CASP6: variants seen among roughly 807,000 people sequenced by gnomAD.
The protein encoded by CASP6 is caspase-6.
CASP6 carries 20 observed loss-of-function variants against 31.8 expected under a neutral mutation model. The ratio of observed to expected loss-of-function variants is 0.63; its 90% confidence interval spans 0.44 to 0.91. The LOEUF is 0.91. Ranked by LOEUF, CASP6 falls within the 40% of genes least tolerant of loss-of-function variation. The pLI, the probability that CASP6 is intolerant of heterozygous loss-of-function variation, is 0.00. For missense variants in CASP6, 328 were observed against 361.1 expected (o/e 0.91, Z 0.74); for synonymous variants, 130 against 127.8 (o/e 1.02, Z -0.12).
At chr4:109,687,535 G>C, downstream of CASP6, 1 of 1,612,622 alleles carries the variant, frequency 6.2e-7, no homozygotes, top group South Asian at 1.1e-5. Context: ...CCCTGAAACA[G>C]GCGCGTCATT....
intron 5 of CASP6, 124 bp from the exon 6 acceptor site, chr4:109,691,133 C>T: frequency 9.9e-7 from 1 of 1,005,380 alleles, no homozygotes; most frequent in Non-Finnish European, 1.4e-6. Flanking sequence ...CTGAGCAGTT[C>T]AGAAGCAATA....
the CASP6 span, among the ~76,000 whole-genome samples, chr4:109,679,398 C>A: frequency 6.6e-6 from 1 of 152,230 alleles, no homozygotes; most frequent in South Asian, 2.1e-4. Flanking sequence ...GCAATCCCAG[C>A]ACCTCGGGAG....
At chr4:109,680,634 C>T in the CASP6 span, among the ~76,000 whole-genome samples, 1 of 152,120 alleles carries the variant, frequency 6.6e-6, no homozygotes, top group African/African-American at 2.4e-5. Context: ...TAGCTTTCAC[C>T]CCTCTGTGGC....
the CASP6 span, among the ~76,000 whole-genome samples, chr4:109,708,786 T>C: frequency 6.6e-6 from 1 of 152,220 alleles, no homozygotes; most frequent in East Asian, 1.9e-4. Flanking sequence ...TTTTTCCCCT[T>C]ATTCACCACT....
chr4:109,685,069 A>G (rs1191894578), downstream of CASP6: 4 of 463,020 alleles, frequency 8.6e-6, no homozygotes, highest in Admixed American at 7.6e-5. Context: ...AAGGAGCAGC[A>G]GATCTTAAAT....
At chr4:109,667,315 A>G in the CASP6 span, among the ~76,000 whole-genome samples, 1 of 152,020 alleles carries the variant, frequency 6.6e-6, no homozygotes, top group Admixed American at 6.6e-5. Context: ...GTTTTGATAG[A>G]TTGTACCTTT....
intron 4 of CASP6, among the ~76,000 whole-genome samples, 169 bp from the exon 5 acceptor site, chr4:109,694,869 G>A (rs1437718723): frequency 6.6e-6 from 1 of 152,142 alleles, no homozygotes; most frequent in Non-Finnish European, 1.5e-5. Context: ...TTCACTCTTG[G>A]TGCCCAGGGC....
downstream of CASP6, chr4:109,685,288 T>C: frequency 6.4e-7 from 1 of 1,573,962 alleles, no homozygotes; most frequent in Admixed American, 1.7e-5. Flanking sequence ...AGGCAATTTC[T>C]TCAGTTCTTC....
At chr4:109,690,166 C>T (rs372314223) in intron 6 of CASP6, among the ~76,000 whole-genome samples, 10 of 142,308 alleles carry the variant, frequency 7.0e-5, no homozygotes, top group South Asian at 2.2e-4. Flanking sequence ...GCCTGGGCAA[C>T]AGAGTGAGAC....
upstream of CASP6, chr4:109,703,732 G>T (rs994227407): frequency 2.2e-6 from 1 of 462,570 alleles, no homozygotes; most frequent in African/African-American, 2.0e-5. Context: ...CCTAGCCCGA[G>T]GCAATTTCAC....
the CASP6 span, among the ~76,000 whole-genome samples, chr4:109,669,081 A>G: frequency 2.0e-5 from 3 of 152,126 alleles, no homozygotes; most frequent in Non-Finnish European, 4.4e-5. Context: ...GAATAATAAA[A>G]ATAAAGGTTT....
chr4:109,696,375 A>G (rs781774694), intron 4 of CASP6, 35 bp downstream of exon 4: 1 of 1,453,550 alleles, frequency 6.9e-7, no homozygotes, highest in Non-Finnish European at 9.6e-7. Context: ...GTTTCATTAG[A>G]GGAAGATGAA....
upstream of CASP6, among the ~76,000 whole-genome samples, chr4:109,704,428 T>A (rs1021451891): frequency 1.3e-5 from 2 of 152,286 alleles, no homozygotes; most frequent in East Asian, 3.9e-4. Flanking sequence ...ATGGAGAAAG[T>A]TCTAGTTGGT....
chr4:109,697,943 T>C (rs759933489), intron 2 of CASP6, among the ~76,000 whole-genome samples, 175 bp from the exon 3 acceptor site: 1 of 152,202 alleles, frequency 6.6e-6, no homozygotes, highest in African/African-American at 2.4e-5. Context: ...AATATCTCTC[T>C]GCCAATTGGT....
chr4:109,683,035 A>C, the CASP6 span: 2 of 233,906 alleles, frequency 8.6e-6, no homozygotes, highest in African/African-American at 4.6e-5. Context: ...ATCAGTCATA[A>C]TGTCTCTGTA....
At chr4:109,701,885 T>C (rs969623055) in intron 1 of CASP6, among the ~76,000 whole-genome samples, 5 of 152,166 alleles carry the variant, frequency 3.3e-5, no homozygotes, top group Non-Finnish European at 7.4e-5. Context: ...AAAGTCTCTG[T>C]AGGCCCATCC....
chr4:109,695,966 G>C (rs374013461), intron 4 of CASP6, among the ~76,000 whole-genome samples: 1 of 152,068 alleles, frequency 6.6e-6, no homozygotes, highest in African/African-American at 2.4e-5. Flanking sequence ...TATAATATAG[G>C]TTGTTATAAT....
chr4:109,706,131 T>TATATATAAATATATATA (rs60918624), upstream of CASP6, among the ~76,000 whole-genome samples: 1 of 36,110 alleles, frequency 2.8e-5, no homozygotes, highest in African/African-American at 1.3e-4. Flanking sequence ...CCTATCCATT[T>TATATATAAATATATATA]TATATATATA....
At chr4:109,685,034 C>G, downstream of CASP6, 1 of 413,538 alleles carries the variant, frequency 2.4e-6, no homozygotes, top group South Asian at 6.4e-5. Context: ...TGTGTAATTT[C>G]TCTTCCCAGC....
Sources: allele counts gnomAD v4.1 joint callset (sites outside exome capture counted in the v4.1 genomes callset), GRCh38; gene constraint gnomAD v4.1.1; transcripts MANE v1.5; gene names NCBI Gene and HGNC (gene_info 2026-07-23, HGNC 2026-07-21).